Variants in POLK observed in about 807,000 individuals in gnomAD.
The protein encoded by POLK is DNA polymerase kappa.
POLK carries 76 observed loss-of-function variants against 94.0 expected under a neutral mutation model. That is an observed-to-expected ratio of 0.81 (90% CI 0.67 to 0.98). POLK has a LOEUF of 0.98. POLK is among the 50% of genes least tolerant of loss of function. POLK has a pLI of 0.00. For missense variants in POLK, 954 were observed against 1,010.1 expected (o/e 0.94, Z 0.75); for synonymous variants, 349 against 325.4 (o/e 1.07, Z -0.78).
intron 1 of POLK, chr5:75,512,513 A>G (rs1768092514): frequency 6.6e-6 from 1 of 152,246 alleles, no homozygotes; most frequent in South Asian, 2.1e-4. Context: ...TTGGATATAT[A>G]GAAACTTTCT....
rs577380337 is a variant in POLK at position 75,555,990 on chromosome 5, G to T, written c.255+3399G>T. 4.6e-5 allele frequency among the ~76,000 whole-genome samples: 7 copies of T among 152,306 alleles called. No individual in the cohort carries two copies. The East Asian group carries it at 1.4e-3, about 29-fold the overall frequency. Reference sequence around the variant, plus strand: ...ATATCCATGGCCAGGCTTATGTGTAGACATAAGTTTTCAACTCCTTTAGGT... The same window carrying T: ...ATATCCATGGCCAGGCTTATGTGTATACATAAGTTTTCAACTCCTTTAGGT... On this transcript the variant is annotated intron_variant, in intron 3 of 14. Transcript: ENST00000241436.
At chr5:75,569,537 A>C (rs1345567099) in intron 4 of POLK, 45 bp downstream of exon 4, 2 of 1,507,696 alleles carry the variant, frequency 1.3e-6, no homozygotes, top group East Asian at 2.3e-5. Flanking sequence ...TAACGTACTC[A>C]AGTAAGCTTT....
downstream of POLK, among the ~76,000 whole-genome samples, chr5:75,602,135 A>T (rs889313925): frequency 6.6e-6 from 1 of 152,184 alleles, no homozygotes; most frequent in African/African-American, 2.4e-5. Flanking sequence ...CATGTGCAAA[A>T]TATTGCCAAC....
intron 3 of POLK, among the ~76,000 whole-genome samples, chr5:75,568,251 A>G (rs1255247851): frequency 2.0e-5 from 3 of 152,168 alleles, no homozygotes; most frequent in African/African-American, 7.2e-5. Context: ...TGTGCCATGT[A>G]CCAGGTACTG....
chr5:75,595,264 A>AAAAAAAAAAAAAAAAAAAAAAAAAC (rs1368855092), intron 12 of POLK, among the ~76,000 whole-genome samples: 1 of 150,218 alleles, frequency 6.7e-6, no homozygotes, highest in African/African-American at 2.5e-5. Context: ...AAAAAAAAAA[A>AAAAAAAAAAAAAAAAAAAAAAAAAC]AAAAAAAAAG....
chr5:75,521,283 CTTTTT>C (rs1768572525), intron 1 of POLK, among the ~76,000 whole-genome samples: 1 of 151,902 alleles, frequency 6.6e-6, no homozygotes, highest in South Asian at 2.1e-4. Context: ...ATCTTCATTC[CTTTTT>C]ATTATTTTTT....
upstream of POLK, chr5:75,511,565 C>T: frequency 6.9e-7 from 1 of 1,456,412 alleles, no homozygotes. Flanking sequence ...AAAATCCGGC[C>T]GCTGAGTCCC....
the POLK span, chr5:75,609,752 A>C: frequency 1.3e-5 from 2 of 152,148 alleles, no homozygotes; most frequent in Non-Finnish European, 2.9e-5. Flanking sequence ...TTTTTAAAAG[A>C]GGAAAGTTTG....
chr5:75,528,987 C>A (rs1017061815), intron 1 of POLK, among the ~76,000 whole-genome samples: 8 of 152,148 alleles, frequency 5.3e-5, no homozygotes, highest in Non-Finnish European at 7.3e-5. Flanking sequence ...AATGGCATAG[C>A]ATTTACATAT....
At chr5:75,513,909 A>G (rs902173287) in intron 1 of POLK, among the ~76,000 whole-genome samples, 1 of 152,092 alleles carries the variant, frequency 6.6e-6, no homozygotes, top group Non-Finnish European at 1.5e-5. Flanking sequence ...GGCATACTAT[A>G]TAAAGCAGTG....
chr5:75,543,152 C>T (rs773500601), intron 1 of POLK, among the ~76,000 whole-genome samples: 3 of 151,826 alleles, frequency 2.0e-5, no homozygotes, highest in Non-Finnish European at 4.4e-5. Context: ...AAGCGTTTCT[C>T]CTGTCTCAGC....
chr5:75,586,376 T>C, intron 9 of POLK, among the ~76,000 whole-genome samples: 1 of 152,206 alleles, frequency 6.6e-6, no homozygotes, highest in East Asian at 1.9e-4. Context: ...GTCTATTTCC[T>C]TCATTACTAT....
chr5:75,584,901 G>C (rs780624973), exon 9 of POLK: 1 of 1,601,984 alleles, frequency 6.2e-7, no homozygotes, highest in Admixed American at 1.7e-5. Context: ...TATCTCCTTG[G>C]GTCTAGGTTC....
chr5:75,540,431 C>T (rs1008463015), intron 1 of POLK, among the ~76,000 whole-genome samples: 5 of 151,868 alleles, frequency 3.3e-5, no homozygotes, highest in East Asian at 1.9e-4. Flanking sequence ...CTCAGCCTCC[C>T]GAGTAGCTGG....
chr5:75,539,128 T>C (rs1426095961), intron 1 of POLK, among the ~76,000 whole-genome samples: 2 of 152,318 alleles, frequency 1.3e-5, no homozygotes, highest in South Asian at 4.1e-4. Flanking sequence ...GGACTGTCAG[T>C]ATTTTAAAAG....
downstream of POLK, among the ~76,000 whole-genome samples, chr5:75,602,272 A>T (rs1466054695): frequency 6.6e-6 from 1 of 152,206 alleles, no homozygotes; most frequent in African/African-American, 2.4e-5. Context: ...GTGATACCTC[A>T]TGGCCCAGGG....
the POLK span, chr5:75,609,318 C>T: frequency 6.6e-5 from 10 of 151,922 alleles, no homozygotes; most frequent in African/African-American, 2.4e-4. Flanking sequence ...GACTGGCACA[C>T]AGTGGCACAA....
chr5:75,550,271 T>C (rs146848012), intron 2 of POLK, among the ~76,000 whole-genome samples: 54 of 152,236 alleles, frequency 3.5e-4, no homozygotes, highest in African/African-American at 1.3e-3. Flanking sequence ...GGATTTATCT[T>C]AGGAAAGCAA....
chr5:75,512,210 C>T (rs1229601514), intron 1 of POLK: 1 of 167,510 alleles, frequency 6.0e-6, no homozygotes, highest in Admixed American at 6.2e-5. Flanking sequence ...TTCCACCAGA[C>T]CACCGCTGTA....
Sources: allele counts gnomAD v4.1 joint callset (sites outside exome capture counted in the v4.1 genomes callset), GRCh38; gene constraint gnomAD v4.1.1; transcripts MANE v1.5; gene names NCBI Gene and HGNC (gene_info 2026-07-23, HGNC 2026-07-21).